Variants in HNRNPC observed in about 807,000 individuals in gnomAD.
The protein encoded by HNRNPC is heterogeneous nuclear ribonucleoproteins C1/C2.
Under a neutral mutation model 33.2 loss-of-function variants are expected in HNRNPC, and 3 were observed. That is an observed-to-expected ratio of 0.09 (90% CI 0.04 to 0.23). The LOEUF (loss-of-function observed/expected upper bound fraction) is 0.23. Among genes scored for constraint, HNRNPC ranks in the 10% least tolerant of loss-of-function variants. HNRNPC has a pLI of 1.00. For missense variants in HNRNPC, 143 were observed against 366.7 expected (o/e 0.39, Z 4.98); for synonymous variants, 121 against 126.7 (o/e 0.96, Z 0.30).
Position 21,233,933 on chromosome 14 carries a change from C to A in HNRNPC, c.241+20G>T, listed in dbSNP as rs768263601. 5 of 1,610,052 alleles carry A rather than the reference C, an allele frequency of 3.1e-6. No individual in the cohort carries two copies. In the East Asian group the frequency reaches 8.9e-5, roughly 29 times the overall value. ...AAAACTCAGGCCTGAATTACATCAT[C>A]AATGAAAAAATTCACTTACCTAAAA... On this transcript the variant is annotated intron_variant, in intron 3 of 8. Coordinates refer to ENST00000553300, the MANE Select transcript of HNRNPC (RefSeq NM_004500.4).
rs542886659 is a variant in HNRNPC, at chr14:21,211,473, G to A, written c.731C>T (p.Ala244Val). ...TNVKMESEGG[A>V]DDSAEEGDLL... ...GTCCCCCTCCTCAGCAGAGTCATCT[G>A]CACCCCCCTCAGACTCCATCTTCAC... The change falls in exon 8 of 9, where the codon GCA becomes GTA. Residue 244 changes from alanine (A) to valine (V), a missense_variant. Ala to Val is a moderately conservative substitution (Grantham distance 64, BLOSUM62 0). Coordinates refer to ENST00000553300, the MANE Select transcript of HNRNPC (RefSeq NM_004500.4). 2 of 1,608,168 alleles carry A rather than the reference G, an allele frequency of 1.2e-6. No homozygotes were observed. Among genetic ancestry groups the A allele is most frequent in the Admixed American group, 1.7e-5 (1 of 58,668 alleles).
chr14:21,226,997 T>C (rs986754214), intron 5 of HNRNPC, among the ~76,000 whole-genome samples: 2 of 151,482 alleles, frequency 1.3e-5, no homozygotes, highest in Non-Finnish European at 2.9e-5. Context: ...CAATTTAACA[T>C]AGTCAATGAA....
chr14:21,218,689 A>T (rs1453913420), intron 5 of HNRNPC, among the ~76,000 whole-genome samples: 1 of 109,582 alleles, frequency 9.1e-6, no homozygotes, highest in South Asian at 3.5e-4. Context: ...CTCAAAAAAA[A>T]AAAAAAAAAA....
intron 2 of HNRNPC, among the ~76,000 whole-genome samples, chr14:21,235,034 A>G (rs1219228744): frequency 1.3e-5 from 2 of 152,230 alleles, no homozygotes; most frequent in Non-Finnish European, 2.9e-5. Flanking sequence ...GGAATTAAAG[A>G]AAAATACACA....
intron 2 of HNRNPC, among the ~76,000 whole-genome samples, chr14:21,253,400 G>C (rs1594310428): frequency 7.0e-6 from 1 of 143,216 alleles, no homozygotes. Flanking sequence ...CGTGAACCCA[G>C]GAGGCGGAGC....
Position 21,249,818 on chromosome 14 carries a change from T to C in HNRNPC, c.-37+13493A>G, listed in dbSNP as rs1224917251. ...ACTCTAACGTAGAGCAACTTCTGTT[T>C]GGAAAACACTTTTTAAAGAAAGGTT... On this transcript the variant is annotated intron_variant, in intron 2 of 8. Coordinates refer to ENST00000553300, the MANE Select transcript of HNRNPC (RefSeq NM_004500.4). Among the ~76,000 whole-genome samples, 12 of 152,134 alleles carry C rather than the reference T, an allele frequency of 7.9e-5. No individual in the cohort carries two copies. The South Asian group carries it at 8.3e-4, about 10-fold the overall frequency.
chr14:21,225,266 C>CA (rs1356682986), intron 5 of HNRNPC, among the ~76,000 whole-genome samples: 3,233 of 136,210 alleles, frequency 0.024, 51 homozygotes, highest in Non-Finnish European at 0.033. Context: ...ACTAACAATA[C>CA]AAAAAAAAAA....
intron 5 of HNRNPC, chr14:21,213,361 A>C (rs929430051): frequency 4.5e-6 from 2 of 445,308 alleles, no homozygotes; most frequent in African/African-American, 2.0e-5. Context: ...AATAAAACAT[A>C]TATCAAATTA....
intron 4 of HNRNPC, 71 bp from the exon 5 acceptor site, chr14:21,230,437 G>C (rs556731387): frequency 1.9e-6 from 2 of 1,075,004 alleles, no homozygotes; most frequent in South Asian, 1.3e-5. Context: ...GGTGAGGGGA[G>C]AACCATGCCA....
intron 2 of HNRNPC, among the ~76,000 whole-genome samples, chr14:21,260,781 G>A (rs926482275): frequency 6.6e-6 from 1 of 151,964 alleles, no homozygotes; most frequent in African/African-American, 2.4e-5. Flanking sequence ...TGGCCAACAT[G>A]GTGAAACCTC....
At chr14:21,227,109 T>G (rs1289857383) in intron 5 of HNRNPC, among the ~76,000 whole-genome samples, 1 of 152,082 alleles carries the variant, frequency 6.6e-6, no homozygotes, top group African/African-American at 2.4e-5. Flanking sequence ...AAGTTGTTAT[T>G]CCACCAGGTC....
At chr14:21,240,593 T>C (rs914151575) in intron 2 of HNRNPC, among the ~76,000 whole-genome samples, 1 of 152,148 alleles carries the variant, frequency 6.6e-6, no homozygotes, top group Non-Finnish European at 1.5e-5. Context: ...AATTTGAACA[T>C]GGAGTCAAGA....
At chr14:21,261,965 A>C (rs1183883263) in intron 2 of HNRNPC, among the ~76,000 whole-genome samples, 1 of 152,246 alleles carries the variant, frequency 6.6e-6, no homozygotes, top group East Asian at 1.9e-4. Context: ...ATCTAGCATT[A>C]GAACTCTATG....
At chr14:21,251,743 T>C (rs1489479466) in intron 2 of HNRNPC, among the ~76,000 whole-genome samples, 1 of 152,196 alleles carries the variant, frequency 6.6e-6, no homozygotes, top group African/African-American at 2.4e-5. Context: ...GCTTTTTTTG[T>C]TGTGTAGCAT....
At chr14:21,221,440 T>C (rs2139541409) in intron 5 of HNRNPC, among the ~76,000 whole-genome samples, 1 of 152,344 alleles carries the variant, frequency 6.6e-6, no homozygotes, top group East Asian at 1.9e-4. Context: ...AGCAATGTTC[T>C]AGTTTGTTGC....
chr14:21,249,605 A>AAC (rs538472099), intron 2 of HNRNPC, among the ~76,000 whole-genome samples: 1,657 of 151,040 alleles, frequency 0.011, 17 homozygotes, highest in Middle Eastern at 0.038. Flanking sequence ...AAAAAAAAAA[A>AAC]AAAAAAAAAA....
intron 2 of HNRNPC, among the ~76,000 whole-genome samples, chr14:21,245,356 C>T (rs1193181624): frequency 3.9e-5 from 6 of 151,900 alleles, no homozygotes; most frequent in South Asian, 2.1e-4. Context: ...ATTAGCCAAG[C>T]GTGGTGGTGC....
At chr14:21,241,311 C>G in intron 2 of HNRNPC, among the ~76,000 whole-genome samples, 1 of 151,150 alleles carries the variant, frequency 6.6e-6, no homozygotes, top group Admixed American at 6.6e-5. Flanking sequence ...CTAAAGTAGC[C>G]CCTGCATTCA....
At chr14:21,261,014 T>C (rs1878151238) in intron 2 of HNRNPC, among the ~76,000 whole-genome samples, 1 of 143,718 alleles carries the variant, frequency 7.0e-6, no homozygotes, top group African/African-American at 2.6e-5. Context: ...CAGCCTGGAG[T>C]GCAGTGGATA....
Sources: allele counts gnomAD v4.1 joint callset (sites outside exome capture counted in the v4.1 genomes callset), GRCh38; gene constraint gnomAD v4.1.1; transcripts MANE v1.5; gene names NCBI Gene and HGNC (gene_info 2026-07-23, HGNC 2026-07-21).